The following NOX4 variants were observed in gnomAD, a reference collection of about 807,000 sequenced individuals.
The protein encoded by NOX4 is NADPH oxidase 4, also known as kidney oxidase-1.
Under a neutral mutation model 87.6 loss-of-function variants are expected in NOX4, and 69 were observed. That is an observed-to-expected ratio of 0.79 (90% CI 0.65 to 0.96). The LOEUF is 0.96. Ranked by LOEUF, NOX4 falls within the 40% of genes least tolerant of loss-of-function variation. The pLI, the probability that NOX4 is intolerant of heterozygous loss-of-function variation, is 0.00. For synonymous variants in NOX4, 275 were observed against 238.2 expected (o/e 1.15, Z -1.42); for missense variants, 680 against 681.5 (o/e 1.00, Z 0.02).
intron 8 of NOX4, among the ~76,000 whole-genome samples, chr11:89,403,628 G>A (rs1399721639): frequency 6.6e-6 from 1 of 152,088 alleles, no homozygotes; most frequent in Non-Finnish European, 1.5e-5. Context: ...TGTAATCCCA[G>A]CTACTTGGGA....
chr11:89,349,287 AAAAATAAAAT>A (rs59263677), intron 13 of NOX4, among the ~76,000 whole-genome samples: 31,945 of 149,340 alleles, frequency 0.21, 5,208 homozygotes, highest in African/African-American at 0.45. Context: ...ACTCTGTCTA[AAAAATAAAAT>A]AAAATAAAAT....
chr11:89,349,594 G>A (rs1260818160), intron 13 of NOX4, among the ~76,000 whole-genome samples: 1 of 152,136 alleles, frequency 6.6e-6, no homozygotes, highest in Non-Finnish European at 1.5e-5. Context: ...AAACAATCAA[G>A]GTTGTTCTTT....
At chr11:89,524,726 T>C in the NOX4 span, among the ~76,000 whole-genome samples, 1 of 152,108 alleles carries the variant, frequency 6.6e-6, no homozygotes, top group Non-Finnish European at 1.5e-5. Flanking sequence ...GTGTATTCAT[T>C]GCATGTACAT....
chr11:89,490,476 G>A lies in NOX4; in HGVS notation c.135C>T (p.Tyr45=). The A allele has an allele frequency of 6.2e-7, 1 of 1,612,718 alleles. No individual in the cohort carries two copies. The highest frequency in any genetic ancestry group is 2.2e-5 in the East Asian group (1 of 44,866). ...LLYNQGPEYH[Y]LHQMLGLGLC... is the part of the protein sequence containing the mutation. ...TACTTACCCCCAACATCTGGTGGAGGTAGTGATACTCTGGCCCTTGGTTAT... is the reference window on the plus strand; with the variant it reads ...TACTTACCCCCAACATCTGGTGGAGATAGTGATACTCTGGCCCTTGGTTAT... The change falls in exon 2 of 18, where the codon TAC becomes TAT. Residue 45 remains tyrosine (Y), a synonymous_variant. Coordinates refer to ENST00000263317, the MANE Select transcript of NOX4 (RefSeq NM_016931.5).
rs551826348 is a variant in NOX4, at chr11:89,491,302, G to T, written c.-56C>A. On this transcript the variant is annotated 5_prime_UTR_variant, in exon 1 of 18. Transcript: ENST00000263317. ...CCCGCCGGACCGAGAAGGAGCGGGC[G>T]GCGGCCGGGGCAGCGGTTACAGTTG... 17 of 1,523,922 alleles carry T rather than the reference G, an allele frequency of 1.1e-5. No individual in the cohort carries two copies. The East Asian group carries it at 3.9e-4, about 35-fold the overall frequency. The allele number at this position is 1,523,922 out of a possible 1,614,324, so 94.4% of individuals were successfully genotyped here.
At chr11:89,550,031 G>C in the NOX4 span, among the ~76,000 whole-genome samples, 1 of 152,074 alleles carries the variant, frequency 6.6e-6, no homozygotes, top group African/African-American at 2.4e-5. Flanking sequence ...GGATTGCTGG[G>C]TCAAATGATA....
chr11:89,461,847 T>C (rs1186465669), intron 2 of NOX4, among the ~76,000 whole-genome samples: 2 of 152,038 alleles, frequency 1.3e-5, no homozygotes, highest in Non-Finnish European at 2.9e-5. Flanking sequence ...TTTTCTAATG[T>C]TTGCGTTACC....
At chr11:89,502,113 GC>G (rs1947028548), upstream of NOX4, among the ~76,000 whole-genome samples, 2 of 151,976 alleles carry the variant, frequency 1.3e-5, no homozygotes, top group African/African-American at 4.8e-5. Context: ...TTTTATGTGG[GC>G]CCCCTTGAAG....
chr11:89,506,233 G>GAAAA, the NOX4 span, among the ~76,000 whole-genome samples: 1 of 133,412 alleles, frequency 7.5e-6, no homozygotes, highest in South Asian at 2.4e-4. Context: ...GAGAAAGAAA[G>GAAAA]AAAGAGAGAG....
intron 8 of NOX4, among the ~76,000 whole-genome samples, chr11:89,403,764 T>C (rs1170999699): frequency 6.6e-6 from 1 of 152,032 alleles, no homozygotes; most frequent in Non-Finnish European, 1.5e-5. Flanking sequence ...AAATAACAGC[T>C]ATGATGCTTT....
chr11:89,517,260 G>A, the NOX4 span, among the ~76,000 whole-genome samples: 2 of 151,990 alleles, frequency 1.3e-5, no homozygotes, highest in East Asian at 1.9e-4. Flanking sequence ...ATTATTAAAA[G>A]TAATGTAAAA....
chr11:89,444,098 C>G lies in NOX4; in HGVS notation c.447+37G>C, dbSNP rs112200040. On this transcript the variant is annotated intron_variant, in intron 5 of 17. Transcript: ENST00000263317. ...CAGACCCTCATTAGTCATCTCATGA[C>G]AAGTGAAAGAAAAATGGGAAGACAG... 23 of 1,569,542 alleles carry G rather than the reference C, an allele frequency of 1.5e-5. No homozygotes were observed. The African/African-American group carries it at 1.6e-4, about 11-fold the overall frequency.
intron 8 of NOX4, among the ~76,000 whole-genome samples, chr11:89,416,678 C>T (rs542030821): frequency 6.6e-6 from 1 of 152,078 alleles, no homozygotes; most frequent in Admixed American, 6.6e-5. Flanking sequence ...ATGACACTGC[C>T]GGGGGTTCAT....
the NOX4 span, among the ~76,000 whole-genome samples, chr11:89,537,855 A>G: frequency 6.6e-6 from 1 of 152,170 alleles, no homozygotes; most frequent in East Asian, 1.9e-4. Context: ...AGATGGCTGT[A>G]GCATGTCTGT....
intron 8 of NOX4, among the ~76,000 whole-genome samples, chr11:89,408,968 A>G (rs1293590610): frequency 6.6e-6 from 1 of 152,150 alleles, no homozygotes; most frequent in African/African-American, 2.4e-5. Flanking sequence ...ATCAACATTT[A>G]CAACTTCCTT....
intron 12 of NOX4, 91 bp from the exon 13 acceptor site, chr11:89,355,134 G>A (rs975733382): frequency 3.4e-5 from 33 of 965,776 alleles, no homozygotes; most frequent in Non-Finnish European, 4.2e-5. Context: ...GGTTTATTTT[G>A]TTAGACATTT....
At chr11:89,478,721 T>C (rs1946267994) in intron 2 of NOX4, among the ~76,000 whole-genome samples, 1 of 152,152 alleles carries the variant, frequency 6.6e-6, no homozygotes. Flanking sequence ...TTCAAGTAGA[T>C]CAAAGTTAAA....
the NOX4 span, among the ~76,000 whole-genome samples, chr11:89,506,235 A>AAGAAAG: frequency 6.7e-6 from 1 of 149,186 alleles, no homozygotes; most frequent in Non-Finnish European, 1.5e-5. Context: ...GAAAGAAAGA[A>AAGAAAG]AGAGAGAGAG....
At chr11:89,529,085 A>G in the NOX4 span, among the ~76,000 whole-genome samples, 1 of 152,162 alleles carries the variant, frequency 6.6e-6, no homozygotes, top group Admixed American at 6.5e-5. Context: ...AGAATTAAAA[A>G]AAAAGACGAG....
Sources: gnomAD v4.1 joint callset for allele counts (sites outside exome capture counted in the v4.1 genomes callset) on GRCh38, gnomAD v4.1.1 for gene constraint, MANE v1.5 for transcripts, NCBI Gene and HGNC (gene_info 2026-07-23, HGNC 2026-07-21) for gene names.